SLC6A6: variants seen among roughly 807,000 people sequenced by gnomAD.
SLC6A6 encodes the protein sodium- and chloride-dependent taurine transporter.
A neutral mutation model predicts 68.8 loss-of-function variants in SLC6A6; 16 were observed. The ratio of observed to expected loss-of-function variants is 0.23; its 90% CI spans 0.16 to 0.35. The LOEUF is 0.35. Among genes scored for constraint, SLC6A6 ranks in the 10% least tolerant of loss-of-function variants. The probability of loss-of-function intolerance (pLI) is 1.00; values close to 1 mark genes in which losing one functional copy is unlikely to be tolerated. For synonymous variants in SLC6A6, 312 were observed against 315.4 expected (o/e 0.99, Z 0.12); for missense variants, 474 against 802.8 (o/e 0.59, Z 4.95).
chr3:14,403,089 T>A (rs1443537666), intron 1 of SLC6A6, among the ~76,000 whole-genome samples: 11 of 45,848 alleles, frequency 2.4e-4, no homozygotes, highest in Non-Finnish European at 3.6e-4. Flanking sequence ...TGTGTGTGTG[T>A]GTGTGTGTGT....
chr3:14,429,995 G>A (rs955251954), intron 2 of SLC6A6, among the ~76,000 whole-genome samples: 2 of 152,126 alleles, frequency 1.3e-5, no homozygotes, highest in Non-Finnish European at 1.5e-5. Context: ...TTGGGTGGGC[G>A]GGAAGGGCTT....
At position 14,402,741 on chromosome 3, in the gene SLC6A6, T is replaced by A. The variant is rs993247577; in HGVS notation, c.-160T>A. 3.7e-4 allele frequency: 148 copies of A among 397,684 alleles called. No individual in the cohort carries two copies. The highest frequency in any genetic ancestry group is 2.7e-3 in the African/African-American group (129 of 48,526). 24.6% of individuals were successfully genotyped at this position (397,684 alleles called of 1,614,324 possible). A position where few individuals can be genotyped will look rare whatever the true frequency, so the allele number is the denominator to read the frequency against. On this transcript the variant is annotated 5_prime_UTR_variant, in exon 1 of 15. Coordinates refer to ENST00000622186, the MANE Select transcript of SLC6A6 (RefSeq NM_003043.6). This position sits in a 1 kb window ranked among gnomAD's most constrained non-coding sequence, Gnocchi z 4.8. ...GAGGACAAGCTGCGCCAAGAGGGAG[T>A]GCGGAGCGTTCACCCAGCGGGTCAG...
intron 5 of SLC6A6, among the ~76,000 whole-genome samples, chr3:14,456,894 T>C (rs1700379774): frequency 1.3e-5 from 2 of 152,226 alleles, no homozygotes; most frequent in Admixed American, 1.3e-4. Flanking sequence ...CAGCAGCCTG[T>C]GGTGGACAGG....
At position 14,467,948 on chromosome 3, in the gene SLC6A6, C is replaced by T; in HGVS notation, c.963C>T (p.Asn321=). The change falls in exon 8 of 15, where the codon AAC becomes AAT. Residue 321 remains asparagine, a synonymous_variant. Coordinates refer to ENST00000622186, the MANE Select transcript of SLC6A6 (RefSeq NM_003043.6). ...GGAGCTACAACAAGTACAAGTATAA[C>T]TCGTACAGGCAAGTGTTGCGCCGGC... ...SLGSYNKYKY[N]SYRDCMLLGC... is the part of the protein sequence containing the mutation. 3.7e-6 allele frequency: 6 copies of T among 1,612,474 alleles called. No individual in the cohort carries two copies. The highest frequency in any genetic ancestry group is 5.1e-6 in the Non-Finnish European group (6 of 1,178,542).
intron 6 of SLC6A6, among the ~76,000 whole-genome samples, chr3:14,459,444 G>A (rs1700444701): frequency 6.6e-6 from 1 of 152,110 alleles, no homozygotes; most frequent in Non-Finnish European, 1.5e-5. Flanking sequence ...TAGAATGGGG[G>A]TGATCCTGTG....
intron 5 of SLC6A6, among the ~76,000 whole-genome samples, chr3:14,453,880 A>G (rs1048023314): frequency 1.3e-5 from 2 of 152,182 alleles, no homozygotes; most frequent in Non-Finnish European, 2.9e-5. Flanking sequence ...CAAGGCCTTA[A>G]GGCAGGATCG....
At chr3:14,475,811 A>G (rs1423838453) in intron 10 of SLC6A6, among the ~76,000 whole-genome samples, 3 of 152,212 alleles carry the variant, frequency 2.0e-5, no homozygotes, top group African/African-American at 7.2e-5. Context: ...CGGCAGACAC[A>G]TGAGTCAGAG....
At position 14,481,536 on chromosome 3, in the gene SLC6A6, G is replaced by A; in HGVS notation, c.1552-135G>A. On this transcript the variant is annotated intron_variant, in intron 13 of 14. Transcript: ENST00000622186. This position sits in a 1 kb window ranked among gnomAD's most constrained non-coding sequence, Gnocchi z 4.7. Reference sequence around the variant, plus strand: ...GGGGGGATCCTTATGGCAGCAGAGAGGGGTGTGAGTTCTGAGCCAGTCCTT... The same window carrying A: ...GGGGGGATCCTTATGGCAGCAGAGAAGGGTGTGAGTTCTGAGCCAGTCCTT... 1 of 636,678 alleles carries A rather than the reference G, an allele frequency of 1.6e-6. No homozygotes were observed. 39.4% of individuals were successfully genotyped at this position (636,678 alleles called of 1,614,324 possible). A position where few individuals can be genotyped will look rare whatever the true frequency, so the allele number is the denominator to read the frequency against.
At chr3:14,478,034 C>T (rs1700920207) in intron 11 of SLC6A6, among the ~76,000 whole-genome samples, 1 of 152,052 alleles carries the variant, frequency 6.6e-6, no homozygotes, top group Admixed American at 6.5e-5. Context: ...GGAACGGGTC[C>T]CATTTAACAG....
At chr3:14,451,912 A>G (rs1469573660) in intron 5 of SLC6A6, among the ~76,000 whole-genome samples, 1 of 152,190 alleles carries the variant, frequency 6.6e-6, no homozygotes, top group African/African-American at 2.4e-5. Flanking sequence ...GTGACCCTCA[A>G]GCTGAAGCCC....
chr3:14,420,294 G>A (rs566722665), intron 2 of SLC6A6, among the ~76,000 whole-genome samples: 1 of 152,154 alleles, frequency 6.6e-6, no homozygotes, highest in Non-Finnish European at 1.5e-5. Context: ...TTAGCTGTGC[G>A]TGATGGTGCG....
chr3:14,443,971 C>T (rs201235328), intron 3 of SLC6A6, 108 bp downstream of exon 3: 6 of 752,478 alleles, frequency 8.0e-6, no homozygotes, highest in Middle Eastern at 2.3e-4. Flanking sequence ...TTTCCCTGGC[C>T]CCCCCCCTTG....
chr3:14,441,865 C>T (rs1699996833), intron 2 of SLC6A6, among the ~76,000 whole-genome samples: 1 of 152,276 alleles, frequency 6.6e-6, no homozygotes, highest in Non-Finnish European at 1.5e-5. Flanking sequence ...TTGCCTGACA[C>T]CCTACTGTGT....
At chr3:14,457,898 C>T in intron 5 of SLC6A6, 52 bp from the exon 6 acceptor site, 1 of 1,601,274 alleles carries the variant, frequency 6.2e-7, no homozygotes, top group Non-Finnish European at 8.5e-7. Context: ...TTGGCTCTCT[C>T]TACTCCAGGG....
chr3:14,478,813 C>CT (rs1700942264), intron 12 of SLC6A6: 3 of 591,416 alleles, frequency 5.1e-6, no homozygotes, highest in East Asian at 5.6e-5. Context: ...TGGAATACTC[C>CT]TTTTTTATCT....
intron 6 of SLC6A6, among the ~76,000 whole-genome samples, chr3:14,461,228 T>C (rs1318169242): frequency 1.3e-5 from 2 of 152,228 alleles, no homozygotes; most frequent in African/African-American, 4.8e-5. Context: ...AGGTAGCTCA[T>C]TGAATCCTCC....
Position 14,485,332 on chromosome 3 carries a change from A to G in SLC6A6, c.*325A>G, listed in dbSNP as rs993899895. ...TTTCTTTGTATTTTTTTTTTTACATATAAGTATATATACACTTAGAGATTG... is the reference window on the plus strand; with the variant it reads ...TTTCTTTGTATTTTTTTTTTTACATGTAAGTATATATACACTTAGAGATTG... On this transcript the variant is annotated 3_prime_UTR_variant, in exon 15 of 15. Coordinates refer to ENST00000622186, the MANE Select transcript of SLC6A6 (RefSeq NM_003043.6). The G allele has an allele frequency of 7.3e-5, 14 of 192,404 alleles. 1 individual carries two copies. Among genetic ancestry groups the G allele is most frequent in the Admixed American group, 6.7e-4 (12 of 17,986 alleles). The allele number at this position is 192,404 out of a possible 1,614,324, so 11.9% of individuals were successfully genotyped here.
chr3:14,415,811 CT>C (rs1699351351), intron 1 of SLC6A6, among the ~76,000 whole-genome samples: 1 of 152,186 alleles, frequency 6.6e-6, no homozygotes, highest in Non-Finnish European at 1.5e-5. Flanking sequence ...ATTCTCGCCC[CT>C]GAACTGGTTG....
rs370469452 is a variant in SLC6A6, at chr3:14,445,721, G to A, written c.234G>A (p.Ala78=). ...TGCCCATTCTGCTCTCTGCAGGTGC[G>A]TTTCTCATACCGTATTTTATTTTCC... ...PYLCYKNGGG[A]FLIPYFIFLF... The change falls in exon 4 of 15, where the codon GCG becomes GCA. Residue 78 remains alanine, a synonymous_variant. Transcript: ENST00000622186. The A allele has an allele frequency of 9.3e-6, 15 of 1,614,050 alleles. No homozygotes were observed. Among genetic ancestry groups the A allele is most frequent in the African/African-American group, 4.0e-5 (3 of 74,948 alleles).
Sources: gnomAD v4.1 joint callset for allele counts (sites outside exome capture counted in the v4.1 genomes callset) on GRCh38, gnomAD v4.1.1 for gene constraint, Gnocchi (gnomAD v3.1) non-coding constraint, MANE v1.5 for transcripts, NCBI Gene and HGNC (gene_info 2026-07-23, HGNC 2026-07-21) for gene names.